ZBTB20: variants seen among roughly 807,000 people sequenced by gnomAD.
ZBTB20 encodes zinc finger and BTB domain-containing protein 20.
A neutral mutation model predicts 56.9 loss-of-function variants in ZBTB20; 9 were observed. The observed-to-expected ratio is 0.16, with a 90% CI of 0.10 to 0.28. The LOEUF (loss-of-function observed/expected upper bound fraction) is 0.28. Ranked by LOEUF, ZBTB20 falls within the 10% of genes least tolerant of loss-of-function variation. The pLI, the probability that ZBTB20 is intolerant of heterozygous loss-of-function variation, is 1.00. For missense variants in ZBTB20, 655 were observed against 1,003.0 expected (o/e 0.65, Z 4.69); for synonymous variants, 417 against 420.7 (o/e 0.99, Z 0.11).
intron 7 of ZBTB20, among the ~76,000 whole-genome samples, chr3:114,452,279 T>C (rs924993611): frequency 1.3e-5 from 2 of 152,126 alleles, no homozygotes; most frequent in African/African-American, 4.8e-5. Flanking sequence ...AGTATTTTTC[T>C]CCTTAAGCAC....
chr3:114,600,206 C>G (rs2056653133), intron 6 of ZBTB20, among the ~76,000 whole-genome samples: 1 of 151,956 alleles, frequency 6.6e-6, no homozygotes, highest in South Asian at 2.1e-4. Flanking sequence ...GTTGTCAAAT[C>G]AAAGAGCAAT....
At chr3:114,808,746 T>C (rs1304518835) in intron 4 of ZBTB20, among the ~76,000 whole-genome samples, 1 of 152,106 alleles carries the variant, frequency 6.6e-6, no homozygotes, top group Non-Finnish European at 1.5e-5. Flanking sequence ...GTTTATATCA[T>C]GTCTATACTT....
At chr3:114,680,094 A>G (rs970890977) in intron 6 of ZBTB20, among the ~76,000 whole-genome samples, 8 of 152,188 alleles carry the variant, frequency 5.3e-5, no homozygotes, top group Non-Finnish European at 1.2e-4. Flanking sequence ...ATGAGAATAC[A>G]TGAACACAGC....
intron 1 of ZBTB20, among the ~76,000 whole-genome samples, chr3:115,084,284 C>A (rs1246763550): frequency 2.9e-5 from 1 of 34,062 alleles, no homozygotes. Flanking sequence ...ATGAAGAGTG[C>A]CAAAAAAAAA....
chr3:115,022,265 T>C (rs970288955), intron 2 of ZBTB20, among the ~76,000 whole-genome samples: 2 of 151,018 alleles, frequency 1.3e-5, no homozygotes, highest in Admixed American at 6.6e-5. Flanking sequence ...CTCAAGTTGA[T>C]ATTCTAAAAC....
At chr3:114,715,609 C>A (rs1268195306) in intron 5 of ZBTB20, among the ~76,000 whole-genome samples, 1 of 152,104 alleles carries the variant, frequency 6.6e-6, no homozygotes, top group Non-Finnish European at 1.5e-5. Flanking sequence ...ACGTTAAAGT[C>A]AATATATGCA....
chr3:114,706,937 C>T (rs1006749089), intron 5 of ZBTB20, among the ~76,000 whole-genome samples: 1 of 152,024 alleles, frequency 6.6e-6, no homozygotes, highest in African/African-American at 2.4e-5. Context: ...GGGGGTGCAA[C>T]TACAGCCAAG....
chr3:115,115,927 C>T (rs929131432), intron 1 of ZBTB20, among the ~76,000 whole-genome samples: 6 of 152,004 alleles, frequency 3.9e-5, no homozygotes, highest in African/African-American at 1.4e-4. Context: ...AAATAGACTT[C>T]TTGATTATTA....
chr3:114,767,407 T>C (rs1006832880), intron 5 of ZBTB20, among the ~76,000 whole-genome samples: 5 of 151,856 alleles, frequency 3.3e-5, no homozygotes, highest in Admixed American at 2.6e-4. Context: ...GAGAAGCAGA[T>C]GAGTAAAGGA....
chr3:114,616,854 A>C (rs1328504126), intron 6 of ZBTB20, among the ~76,000 whole-genome samples: 1 of 152,186 alleles, frequency 6.6e-6, no homozygotes, highest in Non-Finnish European at 1.5e-5. Context: ...TTTCTTGCTT[A>C]GTTGTATAAG....
chr3:114,545,352 A>G (rs1356816272), intron 6 of ZBTB20, among the ~76,000 whole-genome samples: 2 of 152,142 alleles, frequency 1.3e-5, no homozygotes, highest in African/African-American at 4.8e-5. Flanking sequence ...TACCATTTGT[A>G]TACCACTTTT....
chr3:115,116,275 G>T (rs958713201), intron 1 of ZBTB20, among the ~76,000 whole-genome samples: 1 of 151,644 alleles, frequency 6.6e-6, no homozygotes, highest in Non-Finnish European at 1.5e-5. Flanking sequence ...GCTCTATCTG[G>T]GCATATTAAC....
intron 4 of ZBTB20, among the ~76,000 whole-genome samples, chr3:114,841,848 T>C (rs2074398242): frequency 6.6e-6 from 1 of 152,134 alleles, no homozygotes; most frequent in African/African-American, 2.4e-5. Context: ...TAATGAAACC[T>C]ATGGGAGAAA....
chr3:114,514,788 T>C (rs914646870), intron 6 of ZBTB20, among the ~76,000 whole-genome samples: 4 of 152,114 alleles, frequency 2.6e-5, no homozygotes, highest in African/African-American at 9.7e-5. Flanking sequence ...TCTAACAGAA[T>C]AAATCGATAA....
intron 4 of ZBTB20, among the ~76,000 whole-genome samples, chr3:114,806,954 A>T (rs7631250): frequency 0.67 from 101,795 of 151,844 alleles, 39,422 homozygotes; most frequent in East Asian, 0.96. Flanking sequence ...CTGAACTTTC[A>T]ATTCCATTCC....
chr3:114,858,248 C>T (rs1472135299), intron 4 of ZBTB20, among the ~76,000 whole-genome samples: 2 of 152,142 alleles, frequency 1.3e-5, no homozygotes, highest in Non-Finnish European at 2.9e-5. Context: ...AAAACGATTG[C>T]AGGGAACAAG....
intron 6 of ZBTB20, among the ~76,000 whole-genome samples, chr3:114,535,116 C>A (rs2048314551): frequency 6.6e-6 from 1 of 151,958 alleles, no homozygotes; most frequent in African/African-American, 2.4e-5. Context: ...CAAAAGCTAG[C>A]AGAAGAGAAG....
chr3:115,060,996 T>C (rs1159999022), intron 2 of ZBTB20, among the ~76,000 whole-genome samples: 2 of 152,192 alleles, frequency 1.3e-5, no homozygotes, highest in African/African-American at 4.8e-5. Context: ...CTTGTATCCA[T>C]TATTTTATAT....
chr3:114,976,303 C>T (rs1449990202), intron 2 of ZBTB20, among the ~76,000 whole-genome samples: 1 of 152,034 alleles, frequency 6.6e-6, no homozygotes, highest in African/African-American at 2.4e-5. Context: ...AAACCTGAAT[C>T]AAGTAAAGAA....
Sources: gnomAD v4.1 joint callset for allele counts (sites outside exome capture counted in the v4.1 genomes callset) on GRCh38, gnomAD v4.1.1 for gene constraint, MANE v1.5 for transcripts, NCBI Gene and HGNC (gene_info 2026-07-23, HGNC 2026-07-21) for gene names.